The following COL22A1 variants were observed in gnomAD, a reference collection of about 807,000 sequenced individuals.
The protein encoded by COL22A1 is collagen alpha-1(XXII) chain.
Under a neutral mutation model 248.9 loss-of-function variants are expected in COL22A1, and 221 were observed. That is an observed-to-expected ratio of 0.89 (90% confidence interval 0.80 to 0.99). The LOEUF (loss-of-function observed/expected upper bound fraction) is 0.99. Among genes scored for constraint, COL22A1 ranks in the 50% least tolerant of loss-of-function variants. The pLI, the probability that COL22A1 is intolerant of heterozygous loss-of-function variation, is 0.00. For missense variants in COL22A1, 2,240 were observed against 2,179.0 expected (o/e 1.03, Z -0.56); for synonymous variants, 891 against 793.4 (o/e 1.12, Z -2.07).
chr8:138,687,149 GT>G (rs899870883), intron 37 of COL22A1, among the ~76,000 whole-genome samples: 2 of 152,130 alleles, frequency 1.3e-5, no homozygotes, highest in African/African-American at 4.8e-5. Context: ...TAGAGATGGG[GT>G]TTCACCATGT....
At chr8:138,784,349 G>A (rs1347144612) in intron 12 of COL22A1, among the ~76,000 whole-genome samples, 1 of 152,228 alleles carries the variant, frequency 6.6e-6, no homozygotes, top group Non-Finnish European at 1.5e-5. Context: ...CTTGGGAAAA[G>A]TGGGGGCCAC....
chr8:138,720,624 G>T, intron 27 of COL22A1, 115 bp downstream of exon 27: 2 of 859,980 alleles, frequency 2.3e-6, no homozygotes, highest in Non-Finnish European at 3.9e-6. Flanking sequence ...TGTGTCTCCT[G>T]CCAGGTCCCA....
intron 62 of COL22A1, 72 bp downstream of exon 62, chr8:138,596,832 A>T (rs72727816): frequency 7.1e-7 from 1 of 1,417,072 alleles, no homozygotes; most frequent in Non-Finnish European, 9.9e-7. Flanking sequence ...ATGCAAAAGC[A>T]TTCAAGGCTG....
intron 36 of COL22A1, among the ~76,000 whole-genome samples, 197 bp from the exon 37 acceptor site, chr8:138,689,167 G>GA (rs972009949): frequency 4.6e-5 from 7 of 151,506 alleles, no homozygotes; most frequent in Admixed American, 6.6e-5. Flanking sequence ...CCGGGGGGGG[G>GA]GCTGGCCTTG....
intron 16 of COL22A1, among the ~76,000 whole-genome samples, chr8:138,764,762 C>T (rs970150966): frequency 2.0e-5 from 3 of 152,112 alleles, no homozygotes; most frequent in Non-Finnish European, 2.9e-5. Flanking sequence ...AGTTCAAGAC[C>T]ACCCTGGCCA....
intron 5 of COL22A1, among the ~76,000 whole-genome samples, chr8:138,827,514 T>C (rs535319718): frequency 2.0e-5 from 3 of 152,152 alleles, no homozygotes; most frequent in African/African-American, 7.2e-5. Context: ...TGCTTTGTCA[T>C]GGCGGCCAGA....
chr8:138,610,716 C>T (rs2131878016), intron 56 of COL22A1, among the ~76,000 whole-genome samples: 1 of 152,270 alleles, frequency 6.6e-6, no homozygotes, highest in Non-Finnish European at 1.5e-5. Context: ...TCTCACCAGG[C>T]CAGCTGCCGT....
At chr8:138,802,977 C>T (rs200415042) in intron 10 of COL22A1, 43 bp from the exon 11 acceptor site, 89 of 1,506,420 alleles carry the variant, frequency 5.9e-5, no homozygotes, top group African/African-American at 2.2e-4. Context: ...TTAGGTTTCC[C>T]GACAGGGCTC....
chr8:138,646,668 A>G lies in COL22A1; in HGVS notation c.3462T>C (p.Pro1154=), dbSNP rs780513967. The G allele has an allele frequency of 6.3e-7, 1 of 1,578,118 alleles. No homozygotes were observed. Among genetic ancestry groups the G allele is most frequent in the Non-Finnish European group, 8.6e-7 (1 of 1,161,944 alleles). ...GTEGKKGEAG[P]PGLPGPPGIA... ...TTCCTGGGGGCCCTGGTAGGCCTGG[A>G]GGCCCAGCCTCTCCCTGTATCAGGG... Residue 1154 remains proline (P), a synonymous_variant, in exon 47 of 65, where the codon CCT becomes CCC. Coordinates refer to ENST00000303045, the MANE Select transcript of COL22A1 (RefSeq NM_152888.3).
At chr8:138,859,497 G>A (rs2131948083) in intron 3 of COL22A1, among the ~76,000 whole-genome samples, 1 of 152,362 alleles carries the variant, frequency 6.6e-6, no homozygotes, top group Non-Finnish European at 1.5e-5. Flanking sequence ...GCTTTGGTGA[G>A]GCTGTGGGGA....
chr8:138,740,910 C>A (rs903108734), intron 22 of COL22A1, among the ~76,000 whole-genome samples: 3 of 152,178 alleles, frequency 2.0e-5, no homozygotes, highest in East Asian at 1.9e-4. Flanking sequence ...CTTCCTGTAG[C>A]CACAGCCACA....
chr8:138,651,827 T>C (rs533138571), intron 45 of COL22A1, among the ~76,000 whole-genome samples: 1 of 152,332 alleles, frequency 6.6e-6, no homozygotes, highest in East Asian at 1.9e-4. Flanking sequence ...GCCCTGGTGA[T>C]AGGAAGCCAT....
chr8:138,589,179 A>T lies in COL22A1; in HGVS notation c.*74T>A. ...GAACACATGGCTGAAGTCTTTCAAG[A>T]CCTCTGGCTTCCCACTGGGCTCTGA... On this transcript the variant is annotated 3_prime_UTR_variant, in exon 65 of 65. Transcript: ENST00000303045. 1.4e-6 allele frequency: 2 copies of T among 1,401,246 alleles called. No individual in the cohort carries two copies. Among genetic ancestry groups the T allele is most frequent in the Admixed American group, 2.1e-5 (1 of 47,770 alleles). The allele number at this position is 1,401,246 out of a possible 1,614,324, so 86.8% of individuals were successfully genotyped here. A position where few individuals can be genotyped will look rare whatever the true frequency, so the allele number is the denominator to read the frequency against.
At chr8:138,800,191 A>T (rs970859605) in intron 11 of COL22A1, among the ~76,000 whole-genome samples, 1 of 152,172 alleles carries the variant, frequency 6.6e-6, no homozygotes, top group Non-Finnish European at 1.5e-5. Context: ...CTCAGCTTGC[A>T]TCCTTCACTG....
chr8:138,608,128 T>C, intron 56 of COL22A1, 139 bp from the exon 57 acceptor site: 1 of 581,880 alleles, frequency 1.7e-6, no homozygotes. Flanking sequence ...AGTCTACCAC[T>C]TCATTACTCA....
chr8:138,615,268 C>T (rs982261598), intron 55 of COL22A1, among the ~76,000 whole-genome samples: 5 of 152,198 alleles, frequency 3.3e-5, no homozygotes, highest in Non-Finnish European at 7.3e-5. Flanking sequence ...CAGTGGCTCA[C>T]GCCTATAGTC....
chr8:138,646,770 C>T, intron 46 of COL22A1, 88 bp from the exon 47 acceptor site: 1 of 926,216 alleles, frequency 1.1e-6, no homozygotes, highest in Non-Finnish European at 1.6e-6. Flanking sequence ...CAGCCTCGTA[C>T]CTCCCTTCAC....
intron 18 of COL22A1, among the ~76,000 whole-genome samples, chr8:138,759,379 C>T (rs889348741): frequency 2.6e-5 from 4 of 152,204 alleles, no homozygotes; most frequent in African/African-American, 9.6e-5. Flanking sequence ...GGGTCTCAGC[C>T]GTCTGAGCTG....
At chr8:138,694,419 A>C in intron 34 of COL22A1, 89 bp downstream of exon 34, 5 of 1,317,440 alleles carry the variant, frequency 3.8e-6, no homozygotes, top group Non-Finnish European at 4.4e-6. Context: ...ATGCCAGGGG[A>C]GAGAACTGGG....
Sources: gnomAD v4.1 joint callset for allele counts (sites outside exome capture counted in the v4.1 genomes callset) on GRCh38, gnomAD v4.1.1 for gene constraint, MANE v1.5 for transcripts, NCBI Gene and HGNC (gene_info 2026-07-23, HGNC 2026-07-21) for gene names.